Variants in STARD7 observed in about 807,000 individuals in gnomAD.
STARD7 encodes StAR related lipid transfer domain containing 7, also known as stAR-related lipid transfer protein 7, mitochondrial.
STARD7 carries 30 observed loss-of-function variants against 45.3 expected under a neutral mutation model. The ratio of observed to expected loss-of-function variants is 0.66; its 90% confidence interval spans 0.50 to 0.90. STARD7 has a LOEUF of 0.90. STARD7 is among the 40% of genes least tolerant of loss of function. The pLI, the probability that STARD7 is intolerant of heterozygous loss-of-function variation, is 0.00. For synonymous variants in STARD7, 199 were observed against 183.0 expected (o/e 1.09, Z -0.70); for missense variants, 495 against 491.3 (o/e 1.01, Z -0.07).
chr2:96,206,612 A>G (rs188895880), intron 1 of STARD7, among the ~76,000 whole-genome samples: 4,781 of 152,036 alleles, frequency 0.031, 97 homozygotes, highest in Middle Eastern at 0.054. Context: ...CATCCTGGCT[A>G]ACACGGTGAA....
intron 1 of STARD7, among the ~76,000 whole-genome samples, chr2:96,200,468 G>A (rs1187752705): frequency 6.6e-6 from 1 of 151,964 alleles, no homozygotes; most frequent in African/African-American, 2.4e-5. Context: ...AAAAACATAG[G>A]GAATTATATA....
intron 1 of STARD7, among the ~76,000 whole-genome samples, chr2:96,196,335 CA>C (rs1408744067): frequency 6.6e-6 from 1 of 152,118 alleles, no homozygotes; most frequent in Non-Finnish European, 1.5e-5. Flanking sequence ...CATAGTGGCA[CA>C]TGCCTGTACT....
intron 1 of STARD7, among the ~76,000 whole-genome samples, chr2:96,198,602 T>C (rs1284897072): frequency 6.6e-6 from 1 of 152,232 alleles, no homozygotes; most frequent in Non-Finnish European, 1.5e-5. Flanking sequence ...GGGTGTGAAA[T>C]GGTATCTCAT....
chr2:96,192,291 T>A, intron 6 of STARD7, 78 bp downstream of exon 6: 1 of 1,121,838 alleles, frequency 8.9e-7, no homozygotes, highest in Non-Finnish European at 1.4e-6. Context: ...CACCCCCTCC[T>A]CCCTAGTTCA....
intron 3 of STARD7, among the ~76,000 whole-genome samples, chr2:96,194,108 C>T (rs1002923127): frequency 3.3e-5 from 5 of 152,132 alleles, no homozygotes; most frequent in East Asian, 1.9e-4. Flanking sequence ...CCTGTAATCC[C>T]GGCACTTTGG....
In STARD7 at chr2:96,193,905, C is replaced by T. The variant is rs374249619; in HGVS notation, c.550-553G>A. Among the ~76,000 whole-genome samples the T allele has an allele frequency of 5.3e-5, 8 of 152,278 alleles. No individual in the cohort carries two copies. The South Asian group carries it at 8.3e-4, about 16-fold the overall frequency. On this transcript the variant is annotated intron_variant, in intron 3 of 7. Coordinates refer to ENST00000337288, the MANE Select transcript of STARD7 (RefSeq NM_020151.4). ...ACGTTAGAGTGAGTGTTATAACCAA[C>T]GAAGTAGTTATCGGAAGTCAGCAAA...
chr2:96,208,042 A>T, intron 1 of STARD7, 103 bp downstream of exon 1: 1 of 1,159,762 alleles, frequency 8.6e-7, no homozygotes, highest in Non-Finnish European at 1.2e-6. Context: ...ATTGCCAATT[A>T]AAAGACCACC....
Position 96,208,313 on chromosome 2 carries a change from A to C in STARD7, c.122T>G (p.Ile41Ser). The change falls in exon 1 of 8, where the codon ATC (isoleucine) becomes AGC (serine). Residue 41 changes from isoleucine (I) to serine (S), a missense_variant. By Grantham distance (142) the Ile-to-Ser change is moderately radical (BLOSUM62 -2). Coordinates refer to ENST00000337288, the MANE Select transcript of STARD7 (RefSeq NM_020151.4). ...GTAGAGGCGGCCGTAGAGCTGCGCG[A>C]TCTGCTGCGCGCGCCGCACGCGCAG... ...TGLRVRRAQQ[I>S]AQLYGRLYSE... The C allele has an allele frequency of 6.2e-7, 1 of 1,607,578 alleles. No homozygotes were observed. The highest frequency in any genetic ancestry group is 8.5e-7 in the Non-Finnish European group (1 of 1,178,486).
chr2:96,197,090 A>AC (rs1213410041), intron 1 of STARD7, among the ~76,000 whole-genome samples: 4 of 138,114 alleles, frequency 2.9e-5, no homozygotes, highest in South Asian at 2.4e-4. Flanking sequence ...ATAAAATAAA[A>AC]TAAAATAAAA....
At chr2:96,191,583 C>A (rs1039005880) in intron 6 of STARD7, among the ~76,000 whole-genome samples, 19 of 152,096 alleles carry the variant, frequency 1.2e-4, no homozygotes, top group African/African-American at 4.6e-4. Flanking sequence ...TCATTCCTAT[C>A]TTTGTCTTTG....
At chr2:96,205,337 CAAAT>C (rs1176780709) in intron 1 of STARD7, among the ~76,000 whole-genome samples, 2 of 152,270 alleles carry the variant, frequency 1.3e-5, no homozygotes, top group African/African-American at 4.8e-5. Context: ...GAATAGGACT[CAAAT>C]AACATAAGGA....
At chr2:96,194,843 GTAGA>G (rs1254778909) in intron 3 of STARD7, 111 bp downstream of exon 3, 6 of 805,658 alleles carry the variant, frequency 7.4e-6, no homozygotes, top group East Asian at 2.7e-5. Context: ...TGGATGACAG[GTAGA>G]TAGATGGATG....
rs751780056 is a variant in STARD7, at chr2:96,192,482, AAGG to A, written c.744-17_744-15del. ...TGCTCCACAGCACTGGTAAGGAGGA[AAGG>A]AGAAGCAAACTCTTAGTAATGTCTA... On this transcript the variant is annotated splice_polypyrimidine_tract_variant and intron_variant, in intron 5 of 7. Coordinates refer to ENST00000337288, the MANE Select transcript of STARD7 (RefSeq NM_020151.4). The A allele has an allele frequency of 2.5e-6, 4 of 1,597,488 alleles. No homozygotes were observed. In the Admixed American group the frequency reaches 6.7e-5, roughly 27 times the overall value.
intron 3 of STARD7, 61 bp downstream of exon 3, chr2:96,194,897 T>G (rs567358312): frequency 7.2e-7 from 1 of 1,382,860 alleles, no homozygotes; most frequent in African/African-American, 1.4e-5. Flanking sequence ...AAATGATTCA[T>G]GTAGACAGTA....
intron 6 of STARD7, chr2:96,187,552 A>G: frequency 2.6e-6 from 1 of 389,432 alleles, no homozygotes. Context: ...CTCCCTGTGC[A>G]TAGACTATGC....
chr2:96,195,441 A>T lies in STARD7; in HGVS notation c.399T>A (p.Asp133Glu). The change falls in exon 2 of 8, where the codon GAT becomes GAA. Residue 133 changes from aspartate to glutamate, a missense_variant. Asp to Glu is a conservative substitution (Grantham distance 45, BLOSUM62 2). This residue lies in a region of STARD7 where 282 missense variants were observed against 220.1 expected (regional missense o/e 1.28). Transcript: ENST00000337288. ...CCCAACGTTGCTCTTTGCCCTCTGA[A>T]TCTTCATTCCCTTCTGTTTGGGCTT... ...EPKAQTEGNE[D>E]SEGKEQRWEM... 13 of 1,613,404 alleles carry T rather than the reference A, an allele frequency of 8.1e-6. No homozygotes were observed. Among genetic ancestry groups the T allele is most frequent in the Non-Finnish European group, 1.1e-5 (13 of 1,179,682 alleles).
chr2:96,186,504 G>T lies in STARD7; in HGVS notation c.*226C>A. The stretch of plus-strand genomic sequence containing the variant: ...CAGTGAGATACCGAATTTCAAAACA[G>T]TTGGCCTGAGAATATGACAACACTC... On this transcript the variant is annotated 3_prime_UTR_variant, in exon 8 of 8. Coordinates refer to ENST00000337288, the MANE Select transcript of STARD7 (RefSeq NM_020151.4). 2.5e-6 allele frequency: 1 copy of T among 407,156 alleles called. No homozygotes were observed. Among genetic ancestry groups the T allele is most frequent in the Non-Finnish European group, 4.3e-6 (1 of 230,650 alleles). 25.2% of individuals were successfully genotyped at this position (407,156 alleles called of 1,614,324 possible).
At chr2:96,202,445 T>A (rs1256486957) in intron 1 of STARD7, among the ~76,000 whole-genome samples, 1 of 152,180 alleles carries the variant, frequency 6.6e-6, no homozygotes, top group African/African-American at 2.4e-5. Flanking sequence ...CCAAGAACCC[T>A]GACCAGCTGC....
intron 3 of STARD7, among the ~76,000 whole-genome samples, chr2:96,194,325 C>G (rs895266332): frequency 2.0e-5 from 3 of 151,878 alleles, no homozygotes; most frequent in African/African-American, 7.3e-5. Context: ...TGTACTCCAG[C>G]CTGGGTAACA....
Sources: gnomAD v4.1 joint callset for allele counts (sites outside exome capture counted in the v4.1 genomes callset) on GRCh38, gnomAD v4.1.1 for gene constraint, gnomAD v4.1.1 regional missense constraint, MANE v1.5 for transcripts, NCBI Gene and HGNC (gene_info 2026-07-23, HGNC 2026-07-21) for gene names.